SYDE1: variants seen among roughly 807,000 people sequenced by gnomAD.
SYDE1 encodes synapse defective Rho GTPase activating protein 1.
Under a neutral mutation model 63.3 loss-of-function variants are expected in SYDE1, and 34 were observed. The ratio of observed to expected loss-of-function variants is 0.54; its 90% CI spans 0.41 to 0.71. SYDE1 has a LOEUF of 0.71. Among genes scored for constraint, SYDE1 ranks in the 30% least tolerant of loss-of-function variants. The pLI is 0.00. For synonymous variants in SYDE1, 467 were observed against 473.4 expected (o/e 0.99, Z 0.18); for missense variants, 925 against 1,042.5 (o/e 0.89, Z 1.55).
rs771499919 is a variant in SYDE1 at position 15,110,496 on chromosome 19, G to C, written c.1076-25G>C. 6.5e-7 allele frequency: 1 copy of C among 1,545,908 alleles called. No individual in the cohort carries two copies. On this transcript the variant is annotated intron_variant, in intron 3 of 7. Coordinates refer to ENST00000342784, the MANE Select transcript of SYDE1 (RefSeq NM_033025.6). This position sits in a 1 kb window ranked among gnomAD's most constrained non-coding sequence, Gnocchi z 6.9. ...GTACATGAAGCTTCAGAGCACACCC[G>C]GCTCAGGCCCCCTTGTGTCCTCAGG... is the stretch of plus-strand genomic sequence containing the variant.
Position 15,109,055 on chromosome 19 carries a change from G to A in SYDE1, c.89-1G>A, listed in dbSNP as rs1395116252. 5.4e-6 allele frequency: 8 copies of A among 1,483,066 alleles called. No homozygotes were observed. The highest frequency in any genetic ancestry group is 7.1e-6 in the Non-Finnish European group (8 of 1,122,138). 91.9% of individuals were successfully genotyped at this position (1,483,066 alleles called of 1,614,324 possible). A position where few individuals can be genotyped will look rare whatever the true frequency, so the allele number is the denominator to read the frequency against. On this transcript the variant is annotated splice_acceptor_variant, in intron 1 of 7. Transcript: ENST00000342784. LOFTEE classifies it high-confidence loss of function. The surrounding 1 kb of genome is among the most constrained non-coding windows in gnomAD (Gnocchi z 5.0). ...GTCTCACTCCCCTTGCTCTCTGCCA[G>A]GCCACCCAGCCCAGCGCCCAGAGCC...
chr19:15,113,868 G>A lies in SYDE1; in HGVS notation c.2113G>A (p.Ala705Thr), dbSNP rs1442955227. The change falls in exon 8 of 8, where the codon GCG (alanine) becomes ACG (threonine). Residue 705 changes from alanine to threonine, a missense_variant. Ala to Thr is a moderately conservative substitution (Grantham distance 58, BLOSUM62 0). Around this residue, in one of 3 missense-constraint regions of SYDE1, gnomAD observed 255 missense variants for 255.9 expected, o/e 1.00. Coordinates refer to ENST00000342784, the MANE Select transcript of SYDE1 (RefSeq NM_033025.6). ...CGGTGACTTCGAAGACGACTTCGAT[G>A]CGCCCTTCAACCCGCACCTGAATCT... ...VTGDFEDDFD[A>T]PFNPHLNLKD... is the part of the protein sequence containing the mutation. 6.2e-7 allele frequency: 1 copy of A among 1,614,200 alleles called. No homozygotes were observed. The highest frequency in any genetic ancestry group is 1.7e-5 in the Admixed American group (1 of 60,034).
rs1405707058 is a variant in SYDE1, at chr19:15,114,584, CAG to C, written c.*624_*625del. ...GCCTCTAGTCAGCAAATGGAGATAA[CAG>C]AGTCTGGCCTTTCCAATCCCCATCT... is the stretch of plus-strand genomic sequence containing the variant. On this transcript the variant is annotated 3_prime_UTR_variant, in exon 8 of 8. Coordinates refer to ENST00000342784, the MANE Select transcript of SYDE1 (RefSeq NM_033025.6). The C allele has an allele frequency of 6.5e-6, 1 of 153,862 alleles. No individual in the cohort carries two copies. The highest frequency in any genetic ancestry group is 1.4e-5 in the Non-Finnish European group (1 of 69,736). The allele number at this position is 153,862 out of a possible 1,614,324, so 9.5% of individuals were successfully genotyped here.
At chr19:15,107,787 C>G (rs1004261068) in intron 1 of SYDE1, among the ~76,000 whole-genome samples, 7 of 147,708 alleles carry the variant, frequency 4.7e-5, no homozygotes, top group Admixed American at 2.7e-4. Flanking sequence ...GCCTCGCCCA[C>G]GACAGGAAAT....
At position 15,107,513 on chromosome 19, in the gene SYDE1, A is replaced by G; in HGVS notation, c.80A>G (p.Lys27Arg). Residue 27 changes from lysine (K) to arginine (R), a missense_variant, in exon 1 of 8, where the codon AAG becomes AGG. Around this residue, in one of 3 missense-constraint regions of SYDE1, gnomAD observed 599 missense variants for 653.7 expected, o/e 0.92. Transcript: ENST00000342784. ...EKLPRKKSDA[K>R]ERGHPAQRPE... Reference sequence around the variant, plus strand: ...CTTCCCCGGAAAAAGTCGGACGCCAAGGAGCGCGGTAAGCGGAGATCGGTG... The same window carrying G: ...CTTCCCCGGAAAAAGTCGGACGCCAGGGAGCGCGGTAAGCGGAGATCGGTG... 1 of 1,537,594 alleles carries G rather than the reference A, an allele frequency of 6.5e-7. No homozygotes were observed. The highest frequency in any genetic ancestry group is 1.7e-4 in the Middle Eastern group (1 of 5,904).
At position 15,110,517 on chromosome 19, in the gene SYDE1, T is replaced by C. The variant is rs773848462; in HGVS notation, c.1076-4T>C. On this transcript the variant is annotated splice_region_variant and splice_polypyrimidine_tract_variant and intron_variant, in intron 3 of 7. Transcript: ENST00000342784. The surrounding 1 kb of genome is among the most constrained non-coding windows in gnomAD (Gnocchi z 6.9). ...ACCCGGCTCAGGCCCCCTTGTGTCCTCAGGGTGCCAGGCCCAACAGCTGGC... is the reference window on the plus strand; with the variant it reads ...ACCCGGCTCAGGCCCCCTTGTGTCCCCAGGGTGCCAGGCCCAACAGCTGGC... The C allele has an allele frequency of 1.1e-5, 17 of 1,573,822 alleles. No individual in the cohort carries two copies. Among genetic ancestry groups the C allele is most frequent in the Non-Finnish European group, 1.5e-5 (17 of 1,162,556 alleles).
Position 15,109,927 on chromosome 19 carries a change from G to C in SYDE1, c.654G>C (p.Gly218=). Residue 218 remains glycine, a synonymous_variant, in exon 3 of 8, where the codon GGG becomes GGC. Transcript: ENST00000342784. The surrounding 1 kb of genome is among the most constrained non-coding windows in gnomAD (Gnocchi z 5.0). The part of the protein sequence containing the change: ...SSVGGPGPAA[G]PGGTRSPRAG... ...TGGGGGGCCCCGGGCCGGCAGCAGG[G>C]CCTGGGGGCACCCGGAGCCCGAGGG... The C allele has an allele frequency of 6.8e-7, 1 of 1,461,614 alleles. No individual in the cohort carries two copies. The highest frequency in any genetic ancestry group is 9.0e-7 in the Non-Finnish European group (1 of 1,114,500). The allele number at this position is 1,461,614 out of a possible 1,614,324, so 90.5% of individuals were successfully genotyped here. A position where few individuals can be genotyped will look rare whatever the true frequency, so the allele number is the denominator to read the frequency against.
Position 15,109,480 on chromosome 19 carries a change from C to A in SYDE1, c.430+83C>A. 1 of 1,420,070 alleles carries A rather than the reference C, an allele frequency of 7.0e-7. No individual in the cohort carries two copies. The allele number at this position is 1,420,070 out of a possible 1,614,324, so 88.0% of individuals were successfully genotyped here. A position where few individuals can be genotyped will look rare whatever the true frequency, so the allele number is the denominator to read the frequency against. ...CCTTCAGGGTAGCACCAGCCTCACA[C>A]TCCCTCCTCCCAGAGGAGCACCAAC... On this transcript the variant is annotated intron_variant, in intron 2 of 7. Coordinates refer to ENST00000342784, the MANE Select transcript of SYDE1 (RefSeq NM_033025.6). This position sits in a 1 kb window ranked among gnomAD's most constrained non-coding sequence, Gnocchi z 5.0.
In SYDE1 at chr19:15,109,712, C is replaced by A. The variant is rs1215282417; in HGVS notation, c.439C>A (p.Pro147Thr). The A allele has an allele frequency of 1.3e-6, 2 of 1,507,494 alleles. No homozygotes were observed. Among genetic ancestry groups the A allele is most frequent in the Non-Finnish European group, 1.8e-6 (2 of 1,126,404 alleles). 93.4% of individuals were successfully genotyped at this position (1,507,494 alleles called of 1,614,324 possible). Residue 147 changes from proline to threonine, a missense_variant, in exon 3 of 8, where the codon CCC (proline) becomes ACC (threonine). This residue lies in a region of SYDE1 where 599 missense variants were observed against 653.7 expected (regional missense o/e 0.92). Transcript: ENST00000342784. The surrounding 1 kb of genome is among the most constrained non-coding windows in gnomAD (Gnocchi z 5.0). The part of the protein sequence containing the change: ...SEGLAPQGAA[P>T]ASPPTKASRT... ...GTCTGCTCTCCACACAGGTGCAGCC[C>A]CCGCCAGCCCCCCAACCAAAGCCTC... is the stretch of plus-strand genomic sequence containing the variant.
At chr19:15,113,111 C>T (rs2046356194) in intron 7 of SYDE1, among the ~76,000 whole-genome samples, 1 of 152,170 alleles carries the variant, frequency 6.6e-6, no homozygotes, top group South Asian at 2.1e-4. Context: ...ACTGTGTTGG[C>T]CAGGCTGGTC....
chr19:15,111,606 G>A lies in SYDE1; in HGVS notation c.1418-26G>A, dbSNP rs1347231782. ...TAGCCTTAGAAGCCAGTGGTGCCCTGACCAGAGGGGACCCTGTGTTCACAG... is the reference window on the plus strand; with the variant it reads ...TAGCCTTAGAAGCCAGTGGTGCCCTAACCAGAGGGGACCCTGTGTTCACAG... On this transcript the variant is annotated intron_variant, in intron 5 of 7. Coordinates refer to ENST00000342784, the MANE Select transcript of SYDE1 (RefSeq NM_033025.6). The surrounding 1 kb of genome is among the most constrained non-coding windows in gnomAD (Gnocchi z 5.5). 2 of 1,613,106 alleles carry A rather than the reference G, an allele frequency of 1.2e-6. No homozygotes were observed. The highest frequency in any genetic ancestry group is 8.5e-7 in the Non-Finnish European group (1 of 1,179,796).
Position 15,110,775 on chromosome 19 carries a change from C to T in SYDE1, c.1290+40C>T. 1 of 1,470,502 alleles carries T rather than the reference C, an allele frequency of 6.8e-7. No individual in the cohort carries two copies. Among genetic ancestry groups the T allele is most frequent in the African/African-American group, 1.4e-5 (1 of 72,104 alleles). 91.1% of individuals were successfully genotyped at this position (1,470,502 alleles called of 1,614,324 possible). ...CACCCCAACCCTCTGGCCCCCAGAC[C>T]TCAGACCACTCTTCAGGACACCCTA... On this transcript the variant is annotated intron_variant, in intron 4 of 7. Coordinates refer to ENST00000342784, the MANE Select transcript of SYDE1 (RefSeq NM_033025.6). This position sits in a 1 kb window ranked among gnomAD's most constrained non-coding sequence, Gnocchi z 6.9.
Position 15,110,104 on chromosome 19 carries a change from G to T in SYDE1, c.831G>T (p.Gly277=), listed in dbSNP as rs1444424936. ...GCCTGCACCTGTACGGTCTCGGGGG[G>T]CTGCGGCCAGCGCCGGGGGCCACCC... ...RLSLHLYGLG[G]LRPAPGATPR... Residue 277 remains glycine, a synonymous_variant, in exon 3 of 8, where the codon GGG becomes GGT. Coordinates refer to ENST00000342784, the MANE Select transcript of SYDE1 (RefSeq NM_033025.6). The surrounding 1 kb of genome is among the most constrained non-coding windows in gnomAD (Gnocchi z 6.9). 1.4e-6 allele frequency: 2 copies of T among 1,418,174 alleles called. No homozygotes were observed. The highest frequency in any genetic ancestry group is 1.5e-5 in the African/African-American group (1 of 66,342). The allele number at this position is 1,418,174 out of a possible 1,614,324, so 87.8% of individuals were successfully genotyped here.
Position 15,113,797 on chromosome 19 carries a change from G to C in SYDE1, c.2042G>C (p.Ser681Thr). The C allele has an allele frequency of 6.2e-7, 1 of 1,614,182 alleles. No individual in the cohort carries two copies. The highest frequency in any genetic ancestry group is 1.1e-5 in the South Asian group (1 of 91,090). Residue 681 changes from serine (S) to threonine (T), a missense_variant, in exon 8 of 8, where the codon AGT becomes ACT. Ser to Thr is a moderately conservative substitution (Grantham distance 58). Around this residue, in one of 3 missense-constraint regions of SYDE1, gnomAD observed 255 missense variants for 255.9 expected, o/e 1.00. Coordinates refer to ENST00000342784, the MANE Select transcript of SYDE1 (RefSeq NM_033025.6). The part of the protein sequence containing the change: ...SGPDYDHVTG[S>T]DSEDEDEEVG... ...CCAGACTACGACCACGTGACGGGCAGTGACAGCGAGGACGAGGACGAGGAG... is the reference window on the plus strand; with the variant it reads ...CCAGACTACGACCACGTGACGGGCACTGACAGCGAGGACGAGGACGAGGAG...
chr19:15,113,738 CTTCCTGCCCTGTGGGCGGGAT>C lies in SYDE1; in HGVS notation c.1990_2010del (p.Pro664_Leu670del), dbSNP rs1223688951. On this transcript the variant is annotated inframe_deletion, in exon 8 of 8. Transcript: ENST00000342784. ...GCGACTGGAGCGTTTGCGGGCGGGA[CTTCCTGCCCTGTGGGCGGGAT>C]TTCCTGTCCGGGCCAGACTACGACC... 1.2e-6 allele frequency: 2 copies of C among 1,613,652 alleles called. No homozygotes were observed. The highest frequency in any genetic ancestry group is 2.7e-5 in the African/African-American group (2 of 74,956).
In SYDE1 at chr19:15,112,574, G is replaced by A; in HGVS notation, c.1804+3G>A. 6.4e-7 allele frequency: 1 copy of A among 1,563,124 alleles called. No individual in the cohort carries two copies. The highest frequency in any genetic ancestry group is 8.7e-7 in the Non-Finnish European group (1 of 1,151,738). On this transcript the variant is annotated splice_donor_region_variant and intron_variant, in intron 7 of 7. Coordinates refer to ENST00000342784, the MANE Select transcript of SYDE1 (RefSeq NM_033025.6). ...CTACCTGCTGCAGTCTTGGCCAGGTGAGTTCATGCCCAGGGCCTGCACCAC... is the reference window on the plus strand; with the variant it reads ...CTACCTGCTGCAGTCTTGGCCAGGTAAGTTCATGCCCAGGGCCTGCACCAC...
Position 15,108,944 on chromosome 19 carries a change from T to C in SYDE1, c.89-112T>C. 4.3e-6 allele frequency: 6 copies of C among 1,406,542 alleles called. No homozygotes were observed. In the Admixed American group the frequency reaches 9.0e-5, roughly 21 times the overall value. The allele number at this position is 1,406,542 out of a possible 1,614,324, so 87.1% of individuals were successfully genotyped here. ...GCAGGATCCAAGGAACCATGACTTATCAGGGGCCGGCCAGGGCCGTACACA... is the reference window on the plus strand; with the variant it reads ...GCAGGATCCAAGGAACCATGACTTACCAGGGGCCGGCCAGGGCCGTACACA... On this transcript the variant is annotated intron_variant, in intron 1 of 7. Transcript: ENST00000342784. The surrounding 1 kb of genome is among the most constrained non-coding windows in gnomAD (Gnocchi z 4.3).
rs566422722 is a variant in SYDE1 at position 15,113,781 on chromosome 19, G to C, written c.2026G>C (p.Asp676His). 22 of 1,614,134 alleles carry C rather than the reference G, an allele frequency of 1.4e-5. No individual in the cohort carries two copies. The East Asian group carries it at 3.8e-4, about 28-fold the overall frequency. Residue 676 changes from aspartate to histidine, a missense_variant, in exon 8 of 8, where the codon GAC becomes CAC. Coordinates refer to ENST00000342784, the MANE Select transcript of SYDE1 (RefSeq NM_033025.6). The part of the protein sequence containing the change: ...GRDFLSGPDY[D>H]HVTGSDSEDE... Reference sequence around the variant, plus strand: ...GGATTTCCTGTCCGGGCCAGACTACGACCACGTGACGGGCAGTGACAGCGA... The same window carrying C: ...GGATTTCCTGTCCGGGCCAGACTACCACCACGTGACGGGCAGTGACAGCGA...
chr19:15,111,923 T>A lies in SYDE1; in HGVS notation c.1578+131T>A. ...CATATCCCCAAGAAATAGGTGCTATTAGCATCCCACTTCATAGATTTGGAA... is the reference window on the plus strand; with the variant it reads ...CATATCCCCAAGAAATAGGTGCTATAAGCATCCCACTTCATAGATTTGGAA... On this transcript the variant is annotated intron_variant, in intron 6 of 7. Transcript: ENST00000342784. The surrounding 1 kb of genome is among the most constrained non-coding windows in gnomAD (Gnocchi z 5.5). 1 of 934,164 alleles carries A rather than the reference T, an allele frequency of 1.1e-6. No individual in the cohort carries two copies. The highest frequency in any genetic ancestry group is 1.5e-6 in the Non-Finnish European group (1 of 645,684). The allele number at this position is 934,164 out of a possible 1,614,324, so 57.9% of individuals were successfully genotyped here. A position where few individuals can be genotyped will look rare whatever the true frequency, so the allele number is the denominator to read the frequency against.
Sources: allele counts gnomAD v4.1 joint callset (sites outside exome capture counted in the v4.1 genomes callset), GRCh38; gene constraint gnomAD v4.1.1; regional missense constraint gnomAD v4.1.1; non-coding constraint Gnocchi (gnomAD v3.1); transcripts MANE v1.5; gene names NCBI Gene and HGNC (gene_info 2026-07-23, HGNC 2026-07-21).